Variants in POLK observed in about 807,000 individuals in gnomAD.
POLK encodes the protein polymerase (DNA directed) kappa.
In POLK, 76 loss-of-function variants were observed where a neutral mutation model predicts 94.0. The ratio of observed to expected loss-of-function variants is 0.81; its 90% confidence interval spans 0.67 to 0.98. POLK has a LOEUF of 0.98. POLK is among the 50% of genes least tolerant of loss of function. The pLI, the probability that POLK is intolerant of heterozygous loss-of-function variation, is 0.00. For synonymous variants in POLK, 349 were observed against 325.4 expected (o/e 1.07, Z -0.78); for missense variants, 954 against 1,010.1 (o/e 0.94, Z 0.75).
At chr5:75,530,810 C>CTTTTTTT (rs1166307868) in intron 1 of POLK, among the ~76,000 whole-genome samples, 2 of 133,818 alleles carry the variant, frequency 1.5e-5, no homozygotes, top group African/African-American at 2.7e-5. Context: ...CTTTTCTTTT[C>CTTTTTTT]TTTTTTTTTT....
At chr5:75,605,118 TACACACACAC>T (rs3842052), downstream of POLK, among the ~76,000 whole-genome samples, 203 of 146,818 alleles carry the variant, frequency 1.4e-3, no homozygotes, top group South Asian at 5.8e-3. Context: ...TGTATACACA[TACACACACAC>T]ACACACACAC....
intron 3 of POLK, among the ~76,000 whole-genome samples, chr5:75,568,490 T>G (rs551321342): frequency 2.6e-5 from 4 of 152,348 alleles, no homozygotes; most frequent in Non-Finnish European, 1.5e-5. Flanking sequence ...ATCACTTTTC[T>G]TACTTGCTTC....
chr5:75,546,047 C>T (rs1055892373), intron 1 of POLK, among the ~76,000 whole-genome samples: 2 of 152,092 alleles, frequency 1.3e-5, no homozygotes, highest in African/African-American at 4.8e-5. Context: ...GTACAGATGA[C>T]CTTTGAACAC....
At chr5:75,516,017 C>T (rs1417011040) in intron 1 of POLK, among the ~76,000 whole-genome samples, 1 of 151,996 alleles carries the variant, frequency 6.6e-6, no homozygotes, top group African/African-American at 2.4e-5. Flanking sequence ...ACCTGTTGGC[C>T]ATTAGTATGC....
chr5:75,595,248 G>GAAAAAAAAAAAAAAAAAAAAACAAAAAA (rs1773007399), intron 12 of POLK, among the ~76,000 whole-genome samples: 1 of 24,880 alleles, frequency 4.0e-5, no homozygotes, highest in African/African-American at 1.1e-4. Context: ...CTCCACCTCA[G>GAAAAAAAAAAAAAAAAAAAAACAAAAAA]AAAAAAAAAA....
chr5:75,575,768 A>G (rs1053051423), intron 5 of POLK, among the ~76,000 whole-genome samples: 7 of 152,226 alleles, frequency 4.6e-5, no homozygotes, highest in Admixed American at 3.3e-4. Context: ...CCATTTTCTA[A>G]AATTCCCTTT....
At chr5:75,604,071 A>T (rs897212213), downstream of POLK, among the ~76,000 whole-genome samples, 1 of 152,206 alleles carries the variant, frequency 6.6e-6, no homozygotes, top group Admixed American at 6.5e-5. Flanking sequence ...TAAATGAATA[A>T]ATAGTATGTG....
At position 75,547,054 on chromosome 5, in the gene POLK, AC is replaced by A; in HGVS notation, c.33del (p.Tyr11Ter). ...AGCACAAAGGAGAAGTGTGACAGTTACAAAGATGATCTTCTGCTTAGGATGG... is the reference window on the plus strand; with the variant it reads ...AGCACAAAGGAGAAGTGTGACAGTTAAAAGATGATCTTCTGCTTAGGATGG... On this transcript the variant is annotated frameshift_variant, in exon 2 of 15. Coordinates refer to ENST00000241436, the Ensembl canonical transcript of POLK. LOFTEE classifies it high-confidence loss of function. 6.5e-7 allele frequency: 1 copy of A among 1,531,466 alleles called. No individual in the cohort carries two copies. The highest frequency in any genetic ancestry group is 8.9e-7 in the Non-Finnish European group (1 of 1,118,662). The allele number at this position is 1,531,466 out of a possible 1,614,324, so 94.9% of individuals were successfully genotyped here.
chr5:75,588,606 G>T (rs1189956764), intron 10 of POLK, among the ~76,000 whole-genome samples: 1 of 152,090 alleles, frequency 6.6e-6, no homozygotes, highest in African/African-American at 2.4e-5. Flanking sequence ...TTTTTTTATT[G>T]CTATTAAAAC....
At chr5:75,531,390 G>C (rs1769175952) in intron 1 of POLK, among the ~76,000 whole-genome samples, 1 of 151,340 alleles carries the variant, frequency 6.6e-6, no homozygotes, top group South Asian at 2.1e-4. Flanking sequence ...CCAGTATATA[G>C]CTATTTACAC....
chr5:75,511,246 C>A (rs751506112), upstream of POLK: 14 of 1,606,966 alleles, frequency 8.7e-6, no homozygotes, highest in East Asian at 6.7e-5. Context: ...GCCCCCGCTC[C>A]CTCAGCTGCG....
intron 12 of POLK, among the ~76,000 whole-genome samples, chr5:75,595,846 A>G (rs760500648): frequency 5.3e-5 from 8 of 150,844 alleles, no homozygotes; most frequent in Non-Finnish European, 8.9e-5. Context: ...ATCTTTGGGA[A>G]CTCATTGTAC....
intron 7 of POLK, chr5:75,581,960 T>G: frequency 4.2e-6 from 4 of 945,306 alleles, no homozygotes; most frequent in Non-Finnish European, 5.0e-6. Flanking sequence ...ATTACAGGCC[T>G]GAGCCACCGC....
chr5:75,552,058 G>T (rs1180591231), intron 2 of POLK, among the ~76,000 whole-genome samples: 2 of 152,078 alleles, frequency 1.3e-5, no homozygotes, highest in Non-Finnish European at 2.9e-5. Flanking sequence ...TTTCTTTAAT[G>T]ACTTAACATT....
At chr5:75,590,900 A>G (rs1288143110) in intron 11 of POLK, among the ~76,000 whole-genome samples, 2 of 152,178 alleles carry the variant, frequency 1.3e-5, no homozygotes, top group African/African-American at 2.4e-5. Context: ...TGCTTAACAC[A>G]GGACAACAAA....
chr5:75,522,683 A>C (rs1038012591), intron 1 of POLK, among the ~76,000 whole-genome samples: 1 of 152,230 alleles, frequency 6.6e-6, no homozygotes, highest in South Asian at 2.1e-4. Context: ...TATTTTTAGC[A>C]TATCTCCTAA....
intron 1 of POLK, among the ~76,000 whole-genome samples, chr5:75,524,667 T>C (rs895891338): frequency 6.6e-6 from 1 of 151,494 alleles, no homozygotes; most frequent in African/African-American, 2.4e-5. Context: ...AAAAAACAGA[T>C]AGATTTTGGA....
chr5:75,535,402 C>T (rs368935769), intron 1 of POLK, among the ~76,000 whole-genome samples: 4 of 152,040 alleles, frequency 2.6e-5, no homozygotes, highest in East Asian at 1.9e-4. Context: ...TCTTTCAGAC[C>T]GTGGAGACTC....
At chr5:75,584,671 C>CA (rs35397200) in intron 8 of POLK, 89 bp from the exon 9 acceptor site, 93,952 of 601,230 alleles carry the variant, frequency 0.16, 195 homozygotes, top group Middle Eastern at 0.19. Flanking sequence ...GACTCCATCT[C>CA]AAAAAAAAAA....
Sources: allele counts gnomAD v4.1 joint callset (sites outside exome capture counted in the v4.1 genomes callset), GRCh38; gene constraint gnomAD v4.1.1; transcripts MANE v1.5; gene names NCBI Gene and HGNC (gene_info 2026-07-23, HGNC 2026-07-21).